The following IFT74 variants were observed in gnomAD, a reference collection of about 807,000 sequenced individuals.
IFT74 encodes intraflagellar transport 74.
In IFT74, 92 loss-of-function variants were observed where a neutral mutation model predicts 96.7. That is an observed-to-expected ratio of 0.95 (90% CI 0.80 to 1.13). The LOEUF (loss-of-function observed/expected upper bound fraction) is 1.13. Ranked by LOEUF, IFT74 falls within the 50% of genes most tolerant of loss-of-function variation. The pLI, the probability that IFT74 is intolerant of heterozygous loss-of-function variation, is 0.00. For missense variants in IFT74, 811 were observed against 698.2 expected (o/e 1.16, Z -1.82); for synonymous variants, 223 against 213.2 (o/e 1.05, Z -0.40).
At chr9:26,974,700 G>A (rs1232788690) in intron 2 of IFT74, among the ~76,000 whole-genome samples, 1 of 152,122 alleles carries the variant, frequency 6.6e-6, no homozygotes, top group African/African-American at 2.4e-5. Context: ...CTACGGTTAT[G>A]CTTTTTTTCT....
intron 8 of IFT74, among the ~76,000 whole-genome samples, chr9:27,008,797 G>A (rs1289419364): frequency 6.6e-6 from 1 of 152,134 alleles, no homozygotes. Flanking sequence ...GAGGAATTTA[G>A]GGATGGAGAA....
intron 12 of IFT74, among the ~76,000 whole-genome samples, chr9:27,021,501 A>T (rs1829601393): frequency 6.6e-6 from 1 of 152,124 alleles, no homozygotes; most frequent in South Asian, 2.1e-4. Flanking sequence ...ATCTATTTTT[A>T]AAAATTTTTT....
In IFT74 at chr9:27,011,175, C is replaced by G. The variant is rs189207567; in HGVS notation, c.727-731C>G. Among the ~76,000 whole-genome samples the G allele has an allele frequency of 4.6e-3, 702 of 152,190 alleles. 10 individuals are homozygous for G. Among genetic ancestry groups the G allele is most frequent in the African/African-American group, 0.016 (684 of 41,526 alleles). ...GGCTGAGGCAGGTACTTGGTTGATC[C>G]CGGGAGGCGGAGGTTGCAGTGAGCC... On this transcript the variant is annotated intron_variant, in intron 9 of 19. Coordinates refer to ENST00000380062, the MANE Select transcript of IFT74 (RefSeq NM_025103.4).
chr9:26,994,068 G>C (rs768701975), intron 8 of IFT74: 1 of 152,134 alleles, frequency 6.6e-6, no homozygotes, highest in Non-Finnish European at 1.5e-5. Flanking sequence ...TATTACAGCC[G>C]ATAGGCCAGT....
chr9:27,058,217 A>G (rs925328306), intron 18 of IFT74, among the ~76,000 whole-genome samples: 8 of 151,340 alleles, frequency 5.3e-5, no homozygotes, highest in Non-Finnish European at 1.2e-4. Flanking sequence ...GCCACTGAGT[A>G]GCTAGGACTA....
intron 1 of IFT74, among the ~76,000 whole-genome samples, chr9:26,948,835 C>G (rs1420300950): frequency 6.6e-6 from 1 of 152,028 alleles, no homozygotes; most frequent in Non-Finnish European, 1.5e-5. Context: ...TTACTAGATT[C>G]ATCTCCCTCT....
At chr9:27,056,892 A>T (rs937402382) in intron 18 of IFT74, among the ~76,000 whole-genome samples, 1 of 151,420 alleles carries the variant, frequency 6.6e-6, no homozygotes, top group Admixed American at 6.6e-5. Flanking sequence ...AGATAGATAG[A>T]TAGATAGATA....
At chr9:27,054,642 CA>C (rs1820079418) in intron 16 of IFT74, among the ~76,000 whole-genome samples, 1 of 152,138 alleles carries the variant, frequency 6.6e-6, no homozygotes, top group Non-Finnish European at 1.5e-5. Flanking sequence ...TTGTACCCCC[CA>C]AATCAATCCT....
chr9:27,057,150 A>C (rs879783024), intron 18 of IFT74, among the ~76,000 whole-genome samples: 4 of 152,178 alleles, frequency 2.6e-5, no homozygotes, highest in African/African-American at 7.2e-5. Flanking sequence ...ATATTTAGGT[A>C]ATTTCTAGTT....
At chr9:27,004,572 C>T (rs1290006192) in intron 8 of IFT74, among the ~76,000 whole-genome samples, 3 of 152,144 alleles carry the variant, frequency 2.0e-5, no homozygotes, top group African/African-American at 4.8e-5. Flanking sequence ...AAATCAGATA[C>T]GCAGAATAGC....
At chr9:27,016,842 A>C in intron 10 of IFT74, 65 bp from the exon 11 acceptor site, 5 of 1,314,134 alleles carry the variant, frequency 3.8e-6, no homozygotes, top group Non-Finnish European at 5.2e-6. Context: ...TATAAACTGA[A>C]ACCTATTTTA....
chr9:27,029,818 G>C (rs1830041058), intron 13 of IFT74, among the ~76,000 whole-genome samples: 1 of 152,214 alleles, frequency 6.6e-6, no homozygotes, highest in Admixed American at 6.5e-5. Flanking sequence ...GGTAGCGTTA[G>C]AGGGGATGAA....
chr9:27,046,812 A>G (rs997237500), intron 14 of IFT74, among the ~76,000 whole-genome samples: 10 of 152,222 alleles, frequency 6.6e-5, no homozygotes, highest in Non-Finnish European at 1.5e-5. Context: ...GTTTGAAAGT[A>G]TATAAAGTTC....
At chr9:26,955,865 C>T (rs546331072), upstream of IFT74, 68 of 149,954 alleles carry the variant, frequency 4.5e-4, no homozygotes, top group African/African-American at 1.6e-3. Flanking sequence ...GGACACTTTC[C>T]ATTGAATTCA....
chr9:26,973,631 C>T (rs1223486061), intron 2 of IFT74, among the ~76,000 whole-genome samples: 2 of 152,124 alleles, frequency 1.3e-5, no homozygotes, highest in African/African-American at 4.8e-5. Context: ...AGATTAGTTC[C>T]CACCTCAGGG....
chr9:27,031,564 C>T (rs979283509), intron 13 of IFT74, among the ~76,000 whole-genome samples: 16 of 148,964 alleles, frequency 1.1e-4, no homozygotes, highest in Non-Finnish European at 1.9e-4. Context: ...TTTCTTCGAC[C>T]ACTTAGCTGA....
rs1825819541 is a variant in IFT74, at chr9:26,948,448, A to ATTATTATTATTATTAT, written c.-20+1304_-20+1305insATTATTATTATTATTT. On this transcript the variant is annotated intron_variant, in intron 1 of 19. Coordinates refer to the IFT74 transcript ENST00000433700. ...TGACAACCTGTGATGGCTTTCCATT[A>ATTATTATTATTATTAT]TTTTTTTTTTTTTTTTTTTTTTTTT... Among the ~76,000 whole-genome samples the ATTATTATTATTATTAT allele has an allele frequency of 1.7e-4, 10 of 59,162 alleles. 1 individual carries two copies. The highest frequency in any genetic ancestry group is 2.7e-4 in the Non-Finnish European group (7 of 26,084). 38.8% of individuals were successfully genotyped at this position (59,162 alleles called of 152,430 possible).
chr9:27,052,942 A>G (rs979651093), intron 16 of IFT74, among the ~76,000 whole-genome samples: 2 of 152,150 alleles, frequency 1.3e-5, no homozygotes, highest in South Asian at 4.1e-4. Flanking sequence ...GGCTCACTGC[A>G]GGCTCCGCCC....
At chr9:27,061,059 C>T in intron 19 of IFT74, 1 of 210,476 alleles carries the variant, frequency 4.8e-6, no homozygotes, top group Non-Finnish European at 9.5e-6. Flanking sequence ...TTTAGTTCAA[C>T]ACCTACTTAT....
Sources: gnomAD v4.1 joint callset for allele counts (sites outside exome capture counted in the v4.1 genomes callset) on GRCh38, gnomAD v4.1.1 for gene constraint, MANE v1.5 for transcripts, NCBI Gene and HGNC (gene_info 2026-07-23, HGNC 2026-07-21) for gene names.